RAC2: variants seen among roughly 807,000 people sequenced by gnomAD.
The protein encoded by RAC2 is ras-related C3 botulinum toxin substrate 2.
Under a neutral mutation model 24.0 loss-of-function variants are expected in RAC2, and 1 was observed. The observed-to-expected ratio is 0.04, with a 90% CI of 0.01 to 0.20. The LOEUF is 0.20. Among genes scored for constraint, RAC2 ranks in the 10% least tolerant of loss-of-function variants. RAC2 has a pLI of 1.00. For synonymous variants in RAC2, 114 were observed against 106.8 expected, an observed-to-expected ratio of 1.07 and a Z score of -0.41; for missense variants, 130 against 259.1, an observed-to-expected ratio of 0.50 and a Z score of 3.42.
intron 5 of RAC2, among the ~76,000 whole-genome samples, chr22:37,228,366 C>T (rs913929534): frequency 6.6e-6 from 1 of 152,336 alleles, no homozygotes; most frequent in East Asian, 1.9e-4. Context: ...CCCCCAGGGA[C>T]GGCGTTCCAT....
In RAC2 at chr22:37,233,372, C is replaced by T. The variant is rs1458116713; in HGVS notation, c.108-454G>A. ...ATCTCGGCCCACTGCAAACTCTGCC[C>T]CCTGGGTTCAAGTGATTCTCCTGCC... On this transcript the variant is annotated intron_variant, in intron 2 of 6. Coordinates refer to ENST00000249071, the MANE Select transcript of RAC2 (RefSeq NM_002872.5). 2.0e-5 allele frequency among the ~76,000 whole-genome samples: 3 copies of T among 152,216 alleles called. No individual in the cohort carries two copies. The East Asian group carries it at 5.8e-4, about 29-fold the overall frequency.
At chr22:37,238,934 G>A (rs756543054) in intron 2 of RAC2, among the ~76,000 whole-genome samples, 2 of 152,170 alleles carry the variant, frequency 1.3e-5, no homozygotes, top group Non-Finnish European at 2.9e-5. Flanking sequence ...CCAGCTCTCA[G>A]GCTTATCTGA....
chr22:37,237,727 G>A (rs1283919659), intron 2 of RAC2, among the ~76,000 whole-genome samples: 4 of 152,220 alleles, frequency 2.6e-5, no homozygotes, highest in Non-Finnish European at 5.9e-5. Context: ...GGTCGGGGAG[G>A]CAGTCATGAC....
chr22:37,230,288 G>A (rs1453184684), intron 5 of RAC2, among the ~76,000 whole-genome samples: 1 of 151,950 alleles, frequency 6.6e-6, no homozygotes, highest in Non-Finnish European at 1.5e-5. Context: ...TGGGGCGGTG[G>A]GGCGGGAGGA....
intron 1 of RAC2, 80 bp downstream of exon 1, chr22:37,244,034 G>T: frequency 6.3e-7 from 1 of 1,582,130 alleles, no homozygotes; most frequent in African/African-American, 1.3e-5. Context: ...AGGGCCAGGG[G>T]CTTCCCCAGG....
intron 2 of RAC2, among the ~76,000 whole-genome samples, chr22:37,235,425 C>T (rs188513513): frequency 1.6e-3 from 238 of 152,298 alleles, no homozygotes; most frequent in African/African-American, 5.2e-3. Flanking sequence ...CCAGCCCCTG[C>T]TCAATGTCAC....
At position 37,231,097 on chromosome 22, in the gene RAC2, C is replaced by T; in HGVS notation, c.448+134G>A. The T allele has an allele frequency of 9.0e-7, 1 of 1,115,438 alleles. No homozygotes were observed. The highest frequency in any genetic ancestry group is 1.3e-6 in the Non-Finnish European group (1 of 750,964). The allele number at this position is 1,115,438 out of a possible 1,614,324, so 69.1% of individuals were successfully genotyped here. On this transcript the variant is annotated intron_variant, in intron 5 of 6. Coordinates refer to ENST00000249071, the MANE Select transcript of RAC2 (RefSeq NM_002872.5). This position sits in a 1 kb window ranked among gnomAD's most constrained non-coding sequence, Gnocchi z 5.5. ...AGGCTACGTGACTCGCCCAAGGTCA[C>T]ACAGCAAGTGCACAGCACAGCTGAG...
At chr22:37,229,370 A>T (rs761056031) in intron 5 of RAC2, among the ~76,000 whole-genome samples, 16 of 152,072 alleles carry the variant, frequency 1.1e-4, no homozygotes, top group Non-Finnish European at 2.1e-4. Flanking sequence ...GAGCCAGTCC[A>T]CCCCTGTCAG....
chr22:37,239,270 A>G (rs1458305095), intron 2 of RAC2, among the ~76,000 whole-genome samples: 1 of 152,208 alleles, frequency 6.6e-6, no homozygotes, highest in East Asian at 1.9e-4. Flanking sequence ...ATGGAAGTAC[A>G]GGGCCCATGC....
chr22:37,226,842 G>T lies in RAC2; in HGVS notation c.449-39C>A, dbSNP rs200779512. The T allele has an allele frequency of 8.0e-3, 9,535 of 1,191,086 alleles. 425 individuals are homozygous for T. In the African/African-American group the frequency reaches 0.12, roughly 15 times the overall value. 73.8% of individuals were successfully genotyped at this position (1,191,086 alleles called of 1,614,324 possible). ...TGGACAGGAGAGCCAAGGCCTAAGT[G>T]GCGGGGGGGGTTCTGGGCCAACATG... On this transcript the variant is annotated intron_variant, in intron 5 of 6. Transcript: ENST00000249071.
At chr22:37,229,295 T>G (rs1049599447) in intron 5 of RAC2, among the ~76,000 whole-genome samples, 2 of 150,942 alleles carry the variant, frequency 1.3e-5, no homozygotes, top group African/African-American at 2.4e-5. Flanking sequence ...GCAAGGAGGG[T>G]GAGGGGGCGG....
At chr22:37,244,080 TG>T in intron 1 of RAC2, 33 bp downstream of exon 1, 2 of 1,613,792 alleles carry the variant, frequency 1.2e-6, no homozygotes, top group Non-Finnish European at 1.7e-6. Context: ...GCATCCCAGT[TG>T]GGGGCTGTGA....
At position 37,231,468 on chromosome 22, in the gene RAC2, G is replaced by T; in HGVS notation, c.289-78C>A. On this transcript the variant is annotated intron_variant, in intron 4 of 6. Coordinates refer to ENST00000249071, the MANE Select transcript of RAC2 (RefSeq NM_002872.5). The surrounding 1 kb of genome is among the most constrained non-coding windows in gnomAD (Gnocchi z 5.5). ...AGGCTGTGCGGGGATCAGAGGGAGT[G>T]TGAGGGTGTAGGGAGAGGAGAGGCA... The T allele has an allele frequency of 1.4e-6, 2 of 1,425,994 alleles. No homozygotes were observed. Among genetic ancestry groups the T allele is most frequent in the Non-Finnish European group, 2.0e-6 (2 of 1,018,706 alleles). 88.3% of individuals were successfully genotyped at this position (1,425,994 alleles called of 1,614,324 possible).
intron 2 of RAC2, among the ~76,000 whole-genome samples, chr22:37,235,217 G>T (rs938862475): frequency 6.6e-6 from 1 of 152,018 alleles, no homozygotes; most frequent in Non-Finnish European, 1.5e-5. Context: ...CCCAAAAAGT[G>T]GGCAGCCCAG....
intron 2 of RAC2, among the ~76,000 whole-genome samples, chr22:37,239,102 C>T (rs1198435467): frequency 2.0e-5 from 3 of 152,126 alleles, no homozygotes; most frequent in African/African-American, 7.2e-5. Flanking sequence ...GTCAAGGGCC[C>T]AGTGTGACTA....
In RAC2 at chr22:37,231,264, A is replaced by G; in HGVS notation, c.415T>C (p.Tyr139His). ...TTGGCCAGTGCCAGGCCCTGCGGGT[A>G]GGTGATGGGAGCCAGCTTCTTCTCC... The part of the protein sequence containing the change: ...LKEKKLAPIT[Y>H]PQGLALAKEI... The change falls in exon 5 of 7, where the codon TAC (tyrosine) becomes CAC (histidine). Residue 139 changes from tyrosine (Y) to histidine (H), a missense_variant. Physicochemically the swap from Tyr to His is moderately conservative, Grantham distance 83. Coordinates refer to ENST00000249071, the MANE Select transcript of RAC2 (RefSeq NM_002872.5). The surrounding 1 kb of genome is among the most constrained non-coding windows in gnomAD (Gnocchi z 5.5). 6.2e-7 allele frequency: 1 copy of G among 1,613,738 alleles called. No homozygotes were observed.
At chr22:37,238,119 G>A (rs966147474) in intron 2 of RAC2, among the ~76,000 whole-genome samples, 1 of 152,034 alleles carries the variant, frequency 6.6e-6, no homozygotes, top group Non-Finnish European at 1.5e-5. Context: ...AAATGAGGCT[G>A]GGGAGACGGG....
At chr22:37,241,444 C>T (rs1569092913) in intron 2 of RAC2, 143 bp downstream of exon 2, 1 of 919,032 alleles carries the variant, frequency 1.1e-6, no homozygotes, top group Non-Finnish European at 1.8e-6. Flanking sequence ...GCCTTCTTGG[C>T]TGGACTGTCA....
chr22:37,238,969 C>G (rs1371269938), intron 2 of RAC2, among the ~76,000 whole-genome samples: 1 of 152,154 alleles, frequency 6.6e-6, no homozygotes, highest in Non-Finnish European at 1.5e-5. Context: ...CAGGGGCCTC[C>G]CCAACCCCCA....
Sources: gnomAD v4.1 joint callset for allele counts (sites outside exome capture counted in the v4.1 genomes callset) on GRCh38, gnomAD v4.1.1 for gene constraint, Gnocchi (gnomAD v3.1) non-coding constraint, MANE v1.5 for transcripts, NCBI Gene and HGNC (gene_info 2026-07-23, HGNC 2026-07-21) for gene names.